RHOT1: variants seen among roughly 807,000 people sequenced by gnomAD.
RHOT1 encodes ras homolog family member T1.
RHOT1 carries 27 observed loss-of-function variants against 95.3 expected under a neutral mutation model. That is an observed-to-expected ratio of 0.28 (90% CI 0.21 to 0.39). The LOEUF is 0.39. RHOT1 is among the 10% of genes least tolerant of loss of function. RHOT1 has a pLI of 1.00. For synonymous variants in RHOT1, 227 were observed against 263.5 expected (o/e 0.86, Z 1.34); for missense variants, 578 against 786.7 (o/e 0.73, Z 3.17).
intron 17 of RHOT1, chr17:32,207,680 CATTT>C (rs1420039470): frequency 6.3e-6 from 1 of 159,532 alleles, no homozygotes; most frequent in African/African-American, 2.4e-5. Flanking sequence ...CACAGTATTA[CATTT>C]TTAAGTGGTT....
intron 16 of RHOT1, among the ~76,000 whole-genome samples, chr17:32,204,963 A>G (rs1455994913): frequency 1.3e-5 from 2 of 151,808 alleles, no homozygotes; most frequent in Non-Finnish European, 2.9e-5. Context: ...AGCCTGGGCA[A>G]CAAAGTGAGA....
At chr17:32,148,826 A>C (rs1036149912) in intron 1 of RHOT1, among the ~76,000 whole-genome samples, 2 of 152,246 alleles carry the variant, frequency 1.3e-5, no homozygotes, top group Non-Finnish European at 2.9e-5. Context: ...TTGGAACCAG[A>C]GAATGTTATT....
At chr17:32,170,153 G>A (rs934329803) in intron 1 of RHOT1, among the ~76,000 whole-genome samples, 3 of 151,994 alleles carry the variant, frequency 2.0e-5, no homozygotes, top group Admixed American at 6.6e-5. Flanking sequence ...GGTAGCTCAC[G>A]CCTGTAATCC....
chr17:32,202,637 A>G (rs1474266621), intron 14 of RHOT1, 133 bp from the exon 15 acceptor site: 1 of 636,532 alleles, frequency 1.6e-6, no homozygotes, highest in Non-Finnish European at 2.6e-6. Context: ...GTTGTACAAT[A>G]TGTTTGTTTA....
chr17:32,189,965 C>T (rs934738851), intron 8 of RHOT1, among the ~76,000 whole-genome samples: 3 of 152,080 alleles, frequency 2.0e-5, no homozygotes, highest in Middle Eastern at 3.4e-3. Flanking sequence ...GTAATTTGCT[C>T]GCCTTGGCTT....
intron 1 of RHOT1, among the ~76,000 whole-genome samples, chr17:32,164,708 A>G (rs2033885441): frequency 7.0e-6 from 1 of 142,030 alleles, no homozygotes; most frequent in East Asian, 2.0e-4. Flanking sequence ...TACTAAAAAT[A>G]CAAAAAATTA....
Position 32,173,897 on chromosome 17 carries a change from A to G in RHOT1, c.163A>G (p.Ile55Val). 1 of 1,607,942 alleles carries G rather than the reference A, an allele frequency of 6.2e-7. No homozygotes were observed. The highest frequency in any genetic ancestry group is 8.5e-7 in the Non-Finnish European group (1 of 1,175,104). The change falls in exon 3 of 20, where the codon ATT (isoleucine) becomes GTT (valine). Residue 55 changes from isoleucine to valine, a missense_variant. By Grantham distance (29) the Ile-to-Val change is conservative (BLOSUM62 3). Around this residue, in one of 4 missense-constraint regions of RHOT1, gnomAD observed 51 missense variants for 114.7 expected, o/e 0.44. Coordinates refer to ENST00000545287, the MANE Select transcript of RHOT1 (RefSeq NM_001033566.3). The stretch of plus-strand genomic sequence containing the variant: ...CACCCCAGAGAGAGTTCCAACACAC[A>G]TTGTAGATTACTCAGGTAATGAATA... Reference protein sequence around the residue: ...DVTPERVPTHIVDYSEAEQSD... With the variant: ...DVTPERVPTHVVDYSEAEQSD...
intron 1 of RHOT1, 68 bp downstream of exon 1, chr17:32,142,797 C>T: frequency 2.2e-6 from 3 of 1,340,108 alleles, no homozygotes; most frequent in Non-Finnish European, 3.0e-6. Flanking sequence ...CCTGTCGCCC[C>T]TGTCGCCCCT....
intron 11 of RHOT1, among the ~76,000 whole-genome samples, chr17:32,197,018 G>C (rs1162461879): frequency 6.6e-6 from 1 of 151,704 alleles, no homozygotes; most frequent in Non-Finnish European, 1.5e-5. Context: ...AGCTATTCGG[G>C]AGGCTGAGGC....
chr17:32,157,821 G>A (rs1480970491), intron 1 of RHOT1, among the ~76,000 whole-genome samples: 16 of 150,226 alleles, frequency 1.1e-4, no homozygotes, highest in African/African-American at 3.7e-4. Context: ...CCACCCCGCC[G>A]CCCAGAAAAA....
Position 32,174,374 on chromosome 17 carries a change from G to A in RHOT1, c.178+462G>A, listed in dbSNP as rs533669453. Among the ~76,000 whole-genome samples, 9 of 152,228 alleles carry A rather than the reference G, an allele frequency of 5.9e-5. No individual in the cohort carries two copies. In the South Asian group the frequency reaches 1.9e-3, roughly 32 times the overall value. ...TTTTAAAGGTTGCTACTAAAAAATT[G>A]AAAACTATGTATGTGGCTTGCATTA... On this transcript the variant is annotated intron_variant, in intron 3 of 19. Transcript: ENST00000545287.
chr17:32,171,748 C>G (rs1395660816), intron 2 of RHOT1, among the ~76,000 whole-genome samples: 1 of 152,180 alleles, frequency 6.6e-6, no homozygotes, highest in African/African-American at 2.4e-5. Context: ...TTGTCGGAAC[C>G]ACTAGAATTA....
intron 1 of RHOT1, among the ~76,000 whole-genome samples, chr17:32,156,400 G>A (rs2032968489): frequency 6.6e-6 from 1 of 152,074 alleles, no homozygotes; most frequent in Non-Finnish European, 1.5e-5. Flanking sequence ...TCAAGTAGCT[G>A]GGACTACAAG....
intron 6 of RHOT1, among the ~76,000 whole-genome samples, chr17:32,180,768 A>G (rs2035573435): frequency 6.7e-6 from 1 of 150,128 alleles, no homozygotes; most frequent in African/African-American, 2.5e-5. Flanking sequence ...AGCTTGGACC[A>G]CTGAATTAAA....
intron 1 of RHOT1, among the ~76,000 whole-genome samples, chr17:32,162,227 C>G (rs889582624): frequency 6.6e-6 from 1 of 152,034 alleles, no homozygotes; most frequent in East Asian, 1.9e-4. Flanking sequence ...CCCCTCCTCC[C>G]CACGTGAGTC....
intron 11 of RHOT1, among the ~76,000 whole-genome samples, chr17:32,194,849 G>C (rs1479433793): frequency 2.4e-5 from 3 of 126,300 alleles, no homozygotes; most frequent in Non-Finnish European, 4.8e-5. Context: ...TTTTTTTTCA[G>C]ACGGAGTCTC....
intron 1 of RHOT1, chr17:32,143,066 C>T (rs1284308913): frequency 3.1e-6 from 2 of 650,216 alleles, no homozygotes; most frequent in African/African-American, 3.6e-5. Context: ...CCTCTTCGAA[C>T]CCTGTCCTTC....
At chr17:32,184,119 G>A (rs939573568) in intron 8 of RHOT1, among the ~76,000 whole-genome samples, 1 of 152,284 alleles carries the variant, frequency 6.6e-6, no homozygotes, top group Middle Eastern at 3.4e-3. Context: ...TCCTTTTAAA[G>A]TTGTACTATT....
chr17:32,191,717 C>T (rs1200338483), intron 8 of RHOT1, among the ~76,000 whole-genome samples: 4 of 152,174 alleles, frequency 2.6e-5, no homozygotes, highest in Non-Finnish European at 5.9e-5. Flanking sequence ...AATTTTGCCA[C>T]TTGTTTGTGA....
Sources: gnomAD v4.1 joint callset for allele counts (sites outside exome capture counted in the v4.1 genomes callset) on GRCh38, gnomAD v4.1.1 for gene constraint, gnomAD v4.1.1 regional missense constraint, MANE v1.5 for transcripts, NCBI Gene and HGNC (gene_info 2026-07-23, HGNC 2026-07-21) for gene names.